The following MMS22L variants were observed in gnomAD, a reference collection of about 807,000 sequenced individuals.
MMS22L encodes MMS22 like, DNA repair protein, also known as protein MMS22-like.
MMS22L carries 74 observed loss-of-function variants against 159.1 expected under a neutral mutation model. The observed-to-expected ratio is 0.47, with a 90% CI of 0.39 to 0.56. The LOEUF is 0.56. Ranked by LOEUF, MMS22L falls within the 20% of genes least tolerant of loss-of-function variation. The probability of loss-of-function intolerance (pLI) is 0.00; values close to 1 mark genes in which losing one functional copy is unlikely to be tolerated. For synonymous variants in MMS22L, 517 were observed against 506.9 expected (o/e 1.02, Z -0.27); for missense variants, 1,351 against 1,422.1 (o/e 0.95, Z 0.80).
intron 13 of MMS22L, among the ~76,000 whole-genome samples, chr6:97,229,963 A>ATACAATAGTTGACAAAATAG (rs1381037587): frequency 6.6e-6 from 1 of 152,254 alleles, no homozygotes; most frequent in African/African-American, 2.4e-5. Context: ...ATACTATTTA[A>ATACAATAGTTGACAAAATAG]TACAATAGTT....
At chr6:97,277,978 G>C (rs768933909) in intron 4 of MMS22L, among the ~76,000 whole-genome samples, 2 of 152,102 alleles carry the variant, frequency 1.3e-5, no homozygotes, top group Non-Finnish European at 2.9e-5. Flanking sequence ...ATTACTTGAC[G>C]TAAGACCCAC....
chr6:97,237,749 A>G (rs1029875792), intron 11 of MMS22L, among the ~76,000 whole-genome samples: 1 of 152,166 alleles, frequency 6.6e-6, no homozygotes, highest in Non-Finnish European at 1.5e-5. Flanking sequence ...AGCTTATTTA[A>G]CCAAAGAAGG....
chr6:97,177,429 C>T lies in MMS22L; in HGVS notation c.2679+1014G>A, dbSNP rs376395293. ...AACTACTTCTTTTGATTTTTCAAAT[C>T]CCTACGAAGTTCTAGCATAATATTA... On this transcript the variant is annotated intron_variant, in intron 18 of 24. Coordinates refer to ENST00000683635, the MANE Select transcript of MMS22L (RefSeq NM_001350599.2). Among the ~76,000 whole-genome samples the T allele has an allele frequency of 1.2e-3, 188 of 152,134 alleles. 1 individual carries two copies. The highest frequency in any genetic ancestry group is 4.3e-3 in the African/African-American group (178 of 41,534).
chr6:97,240,343 G>A (rs950648374), intron 11 of MMS22L, among the ~76,000 whole-genome samples: 1 of 152,134 alleles, frequency 6.6e-6, no homozygotes, highest in African/African-American at 2.4e-5. Context: ...CTTTATGCTA[G>A]ACCTAAATTC....
At position 97,146,895 on chromosome 6, in the gene MMS22L, A is replaced by G. The variant is rs779113375; in HGVS notation, c.3651-8T>C. ...AGTTTGCTATAGGCTTCCCTGTTTA[A>G]GAAAAAAGAAAAGAAAGCAAATATA... On this transcript the variant is annotated splice_region_variant and splice_polypyrimidine_tract_variant and intron_variant, in intron 24 of 24. Transcript: ENST00000683635. 6.6e-7 allele frequency: 1 copy of G among 1,522,300 alleles called. No homozygotes were observed. The highest frequency in any genetic ancestry group is 1.3e-5 in the South Asian group (1 of 79,756). The allele number at this position is 1,522,300 out of a possible 1,614,324, so 94.3% of individuals were successfully genotyped here. A position where few individuals can be genotyped will look rare whatever the true frequency, so the allele number is the denominator to read the frequency against.
At position 97,254,686 on chromosome 6, in the gene MMS22L, T is replaced by G; in HGVS notation, c.990A>C (p.Lys330Asn). Residue 330 changes from lysine (K) to asparagine (N), a missense_variant, in exon 10 of 25, where the codon AAA becomes AAC. Transcript: ENST00000683635. The stretch of plus-strand genomic sequence containing the variant: ...TAGAGGATCTTCTTCGGTCACTTGA[T>G]TTTTCAAGCAGTGTTTTAAGTAGTT... ...LNKLLKTLLE[K>N]SSDRRRSSMP... 1 of 1,611,442 alleles carries G rather than the reference T, an allele frequency of 6.2e-7. No individual in the cohort carries two copies. Among genetic ancestry groups the G allele is most frequent in the Non-Finnish European group, 8.5e-7 (1 of 1,179,266 alleles).
At chr6:97,196,772 T>TA (rs1198410065) in intron 14 of MMS22L, among the ~76,000 whole-genome samples, 6 of 152,094 alleles carry the variant, frequency 3.9e-5, no homozygotes, top group African/African-American at 1.4e-4. Flanking sequence ...ATATTTTCAT[T>TA]AAAAAAACCC....
intron 6 of MMS22L, chr6:97,272,457 T>G (rs1028621826): frequency 5.2e-6 from 2 of 388,320 alleles, no homozygotes; most frequent in Non-Finnish European, 9.2e-6. Flanking sequence ...AATAACTTCA[T>G]GTATATGAAT....
chr6:97,248,550 A>G (rs1023766600), intron 10 of MMS22L, among the ~76,000 whole-genome samples: 2 of 152,204 alleles, frequency 1.3e-5, no homozygotes, highest in Non-Finnish European at 2.9e-5. Flanking sequence ...AATGTGGAGT[A>G]AAGAATTTGG....
rs147660428 is a variant in MMS22L, at chr6:97,269,828, A to T, written c.697+74T>A. On this transcript the variant is annotated intron_variant, in intron 7 of 24. Coordinates refer to ENST00000683635, the MANE Select transcript of MMS22L (RefSeq NM_001350599.2). Reference sequence around the variant, plus strand: ...TTTTTTTAAATATCAGAAAGCACTTATTACTTATGTAATTTTAAAAAGCAA... The same window carrying T: ...TTTTTTTAAATATCAGAAAGCACTTTTTACTTATGTAATTTTAAAAAGCAA... 1.2e-3 allele frequency: 1,340 copies of T among 1,077,042 alleles called. 3 individuals are homozygous for T. Among genetic ancestry groups the T allele is most frequent in the Non-Finnish European group, 1.6e-3 (1,187 of 738,562 alleles). 66.7% of individuals were successfully genotyped at this position (1,077,042 alleles called of 1,614,324 possible).
Position 97,179,751 on chromosome 6 carries a change from ATATCCT to A in MMS22L, c.2385-198_2385-193del, listed in dbSNP as rs1330377748. Among the ~76,000 whole-genome samples the A allele has an allele frequency of 2.0e-5, 3 of 152,218 alleles. No individual in the cohort carries two copies. In the East Asian group the frequency reaches 5.8e-4, roughly 29 times the overall value. On this transcript the variant is annotated intron_variant, in intron 16 of 24. Coordinates refer to ENST00000683635, the MANE Select transcript of MMS22L (RefSeq NM_001350599.2). ...ATAAACCCAAAAAGATGTTAAACAAATATCCTTCTTTTCATTTTTAATGTTATAATT... is the reference window on the plus strand; with the variant it reads ...ATAAACCCAAAAAGATGTTAAACAAATCTTTTCATTTTTAATGTTATAATT...
intron 3 of MMS22L, among the ~76,000 whole-genome samples, chr6:97,279,257 G>A (rs960266800): frequency 2.0e-5 from 3 of 152,082 alleles, no homozygotes; most frequent in Admixed American, 1.3e-4. Context: ...GCCGAGGCGG[G>A]CGGATTACGA....
At chr6:97,162,237 T>A in intron 21 of MMS22L, 72 bp from the exon 22 acceptor site, 2 of 1,398,792 alleles carry the variant, frequency 1.4e-6, no homozygotes, top group Non-Finnish European at 1.9e-6. Context: ...GCATATAATT[T>A]AAAGATATTG....
chr6:97,275,056 G>A (rs1816122878), intron 4 of MMS22L, among the ~76,000 whole-genome samples: 2 of 152,064 alleles, frequency 1.3e-5, no homozygotes, highest in African/African-American at 2.4e-5. Context: ...ACACAATAGC[G>A]ACCCATAACA....
At chr6:97,201,651 C>T (rs528625821) in intron 14 of MMS22L, among the ~76,000 whole-genome samples, 6 of 152,288 alleles carry the variant, frequency 3.9e-5, no homozygotes, top group Admixed American at 2.6e-4. Context: ...TATGGTGACC[C>T]GCGTGTGTGG....
intron 4 of MMS22L, among the ~76,000 whole-genome samples, chr6:97,277,091 C>T (rs898128536): frequency 1.3e-5 from 2 of 152,118 alleles, no homozygotes; most frequent in South Asian, 4.1e-4. Flanking sequence ...GCCATGGTAT[C>T]CCCTACTGAA....
intron 19 of MMS22L, among the ~76,000 whole-genome samples, chr6:97,171,747 G>A (rs1803569469): frequency 6.6e-6 from 1 of 152,146 alleles, no homozygotes; most frequent in Non-Finnish European, 1.5e-5. Flanking sequence ...AGAGTACAGT[G>A]TTTCAGTGGT....
In MMS22L at chr6:97,210,576, T is replaced by C. The variant is rs143726081; in HGVS notation, c.2039+18318A>G. On this transcript the variant is annotated intron_variant, in intron 14 of 24. Transcript: ENST00000683635. ...AGTTATTCAAGTTCCTGGTGCCCAC[T>C]AGTACATTCTAAATGACAAATTCAG... Among the ~76,000 whole-genome samples, 358 of 152,042 alleles carry C rather than the reference T, an allele frequency of 2.4e-3. 1 individual carries two copies. The highest frequency in any genetic ancestry group is 3.4e-3 in the Middle Eastern group (1 of 294).
At chr6:97,216,194 A>G (rs2127962131) in intron 14 of MMS22L, among the ~76,000 whole-genome samples, 1 of 152,320 alleles carries the variant, frequency 6.6e-6, no homozygotes, top group East Asian at 1.9e-4. Flanking sequence ...AACACATCTT[A>G]AAGAAAATAG....
Sources: gnomAD v4.1 joint callset for allele counts (sites outside exome capture counted in the v4.1 genomes callset) on GRCh38, gnomAD v4.1.1 for gene constraint, MANE v1.5 for transcripts, NCBI Gene and HGNC (gene_info 2026-07-23, HGNC 2026-07-21) for gene names.